Variants in HPSE2 observed in about 807,000 individuals in gnomAD.
HPSE2 encodes inactive heparanase-2.
HPSE2 carries 38 observed loss-of-function variants against 60.5 expected under a neutral mutation model. The ratio of observed to expected loss-of-function variants is 0.63; its 90% CI spans 0.48 to 0.82. The LOEUF (loss-of-function observed/expected upper bound fraction) is 0.82, where lower values mean the gene tolerates loss of function less well. HPSE2 is among the 40% of genes least tolerant of loss of function. The probability of loss-of-function intolerance (pLI) is 0.00; values close to 1 mark genes in which losing one functional copy is unlikely to be tolerated. For missense variants in HPSE2, 713 were observed against 740.4 expected (o/e 0.96, Z 0.43); for synonymous variants, 295 against 293.2 (o/e 1.01, Z -0.06).
At chr10:98,626,696 A>G (rs1314333117) in intron 7 of HPSE2, among the ~76,000 whole-genome samples, 2 of 152,190 alleles carry the variant, frequency 1.3e-5, no homozygotes, top group African/African-American at 4.8e-5. Context: ...ATGAAATGAA[A>G]TTATTCAAGA....
At chr10:98,564,488 A>G (rs1414797303) in intron 9 of HPSE2, among the ~76,000 whole-genome samples, 2 of 152,140 alleles carry the variant, frequency 1.3e-5, no homozygotes, top group Admixed American at 1.3e-4. Context: ...TTGTCCAGTA[A>G]TTTGTTAAGT....
At chr10:98,908,557 C>T (rs1953888286) in intron 3 of HPSE2, among the ~76,000 whole-genome samples, 1 of 151,784 alleles carries the variant, frequency 6.6e-6, no homozygotes, top group African/African-American at 2.4e-5. Context: ...GTGGTGCATG[C>T]CTGTAATCCC....
chr10:99,114,639 G>C (rs1844599574), intron 3 of HPSE2, among the ~76,000 whole-genome samples: 1 of 152,176 alleles, frequency 6.6e-6, no homozygotes, highest in South Asian at 2.1e-4. Context: ...GAATGGCTGG[G>C]TGCGGTGGCT....
At chr10:98,963,464 G>T (rs1297838711) in intron 3 of HPSE2, among the ~76,000 whole-genome samples, 1 of 152,014 alleles carries the variant, frequency 6.6e-6, no homozygotes, top group African/African-American at 2.4e-5. Flanking sequence ...TCTTTTACAA[G>T]GACTGAGTCT....
chr10:98,855,792 A>G (rs115404956), intron 3 of HPSE2, among the ~76,000 whole-genome samples: 50 of 152,270 alleles, frequency 3.3e-4, no homozygotes, highest in African/African-American at 1.2e-3. Flanking sequence ...CTAGCAAGCA[A>G]TGAGTAACAA....
chr10:98,600,911 G>GTGTATATA (rs1554950517), intron 9 of HPSE2, among the ~76,000 whole-genome samples: 49 of 73,716 alleles, frequency 6.6e-4, no homozygotes, highest in African/African-American at 1.6e-3. Context: ...ATGTGTGTGT[G>GTGTATATA]TATATATATA....
chr10:98,708,029 G>GA (rs1222827776), intron 5 of HPSE2, among the ~76,000 whole-genome samples: 1 of 152,120 alleles, frequency 6.6e-6, no homozygotes, highest in Non-Finnish European at 1.5e-5. Flanking sequence ...TTCAGTATGT[G>GA]AAAAACTGAA....
the HPSE2 span, among the ~76,000 whole-genome samples, chr10:99,261,442 C>G: frequency 2.6e-5 from 4 of 152,168 alleles, no homozygotes; most frequent in Admixed American, 1.3e-4. Context: ...AAGGCATAGT[C>G]AAGGTTAATG....
intron 3 of HPSE2, among the ~76,000 whole-genome samples, chr10:99,021,225 TATAAAC>T (rs1183620264): frequency 6.6e-6 from 1 of 152,212 alleles, no homozygotes; most frequent in Non-Finnish European, 1.5e-5. Context: ...AATCTGCACT[TATAAAC>T]ATTAATAATA....
intron 4 of HPSE2, among the ~76,000 whole-genome samples, chr10:98,734,324 G>A (rs1949297318): frequency 6.6e-6 from 1 of 152,150 alleles, no homozygotes; most frequent in African/African-American, 2.4e-5. Flanking sequence ...TCATGTAGAA[G>A]TTTTTGTATG....
chr10:99,192,181 T>G (rs756932786), intron 2 of HPSE2, among the ~76,000 whole-genome samples: 57 of 152,166 alleles, frequency 3.7e-4, no homozygotes, highest in Non-Finnish European at 7.2e-4. Flanking sequence ...GTAGAAAGTT[T>G]ATCCAAAGGG....
rs116294518 is a variant in HPSE2 at position 98,908,721 on chromosome 10, G to A, written c.611-164665C>T. On this transcript the variant is annotated intron_variant, in intron 3 of 11. Coordinates refer to ENST00000370552, the MANE Select transcript of HPSE2 (RefSeq NM_021828.5). ...AAAAAAAAAAAAAAGATGGTATATG[G>A]AAAGTAATTGTGATTTGCTTAATAT... 3.5e-3 allele frequency among the ~76,000 whole-genome samples: 516 copies of A among 146,522 alleles called. 2 individuals are homozygous for A. The highest frequency in any genetic ancestry group is 0.012 in the African/African-American group (492 of 40,234).
rs569871519 is a variant in HPSE2, at chr10:98,903,533, G to A, written c.611-159477C>T. 5.3e-5 allele frequency among the ~76,000 whole-genome samples: 8 copies of A among 152,190 alleles called. No individual in the cohort carries two copies. In the East Asian group the frequency reaches 1.5e-3, roughly 29 times the overall value. ...TATACCTCTTTAGTGCTAAGATCAA[G>A]AAGCGGTCTCACTCTCTCTCTCTCG... On this transcript the variant is annotated intron_variant, in intron 3 of 11. Transcript: ENST00000370552.
At chr10:99,195,406 A>G (rs187708111) in intron 2 of HPSE2, among the ~76,000 whole-genome samples, 210 of 147,698 alleles carry the variant, frequency 1.4e-3, no homozygotes, top group Middle Eastern at 6.8e-3. Flanking sequence ...AAAATTTGGA[A>G]AAAAAAATCA....
intron 3 of HPSE2, among the ~76,000 whole-genome samples, chr10:98,745,947 T>C (rs981776644): frequency 6.6e-6 from 1 of 152,144 alleles, no homozygotes; most frequent in Non-Finnish European, 1.5e-5. Flanking sequence ...AGAACCATTA[T>C]CATTGGGTTG....
chr10:99,075,607 T>C (rs1187578848), intron 3 of HPSE2, among the ~76,000 whole-genome samples: 2 of 152,180 alleles, frequency 1.3e-5, no homozygotes, highest in Non-Finnish European at 2.9e-5. Context: ...GTTCTATTGA[T>C]TATTGAAAGT....
chr10:98,960,541 C>G (rs1452686872), intron 3 of HPSE2, among the ~76,000 whole-genome samples: 1 of 151,750 alleles, frequency 6.6e-6, no homozygotes, highest in African/African-American at 2.4e-5. Flanking sequence ...GTGGGAGATA[C>G]TAATTATTAT....
the HPSE2 span, among the ~76,000 whole-genome samples, chr10:99,247,938 T>C: frequency 6.6e-6 from 1 of 152,242 alleles, no homozygotes; most frequent in Admixed American, 6.5e-5. Context: ...TCTGCCATGA[T>C]TGTAAGTTTC....
At chr10:98,974,188 C>G (rs1165255753) in intron 3 of HPSE2, among the ~76,000 whole-genome samples, 1 of 151,968 alleles carries the variant, frequency 6.6e-6, no homozygotes, top group African/African-American at 2.4e-5. Flanking sequence ...GCTACTCAGC[C>G]TGAGGCAGGA....
Sources: allele counts gnomAD v4.1 joint callset (sites outside exome capture counted in the v4.1 genomes callset), GRCh38; gene constraint gnomAD v4.1.1; transcripts MANE v1.5; gene names NCBI Gene and HGNC (gene_info 2026-07-23, HGNC 2026-07-21).